DEPDC1B: variants seen among roughly 807,000 people sequenced by gnomAD.
DEPDC1B encodes the protein DEP domain containing 1B, also known as DEP domain-containing protein 1B.
In DEPDC1B, 51 loss-of-function variants were observed where a neutral mutation model predicts 66.5. The observed-to-expected ratio is 0.77, with a 90% CI of 0.61 to 0.97. The LOEUF is 0.97. Ranked by LOEUF, DEPDC1B falls within the 50% of genes least tolerant of loss-of-function variation. The pLI, the probability that DEPDC1B is intolerant of heterozygous loss-of-function variation, is 0.00. For missense variants in DEPDC1B, 552 were observed against 637.1 expected (o/e 0.87, Z 1.44); for synonymous variants, 226 against 223.6 (o/e 1.01, Z -0.10).
At chr5:60,610,438 A>G (rs1752392474) in intron 7 of DEPDC1B, among the ~76,000 whole-genome samples, 1 of 152,228 alleles carries the variant, frequency 6.6e-6, no homozygotes, top group Non-Finnish European at 1.5e-5. Flanking sequence ...ATCACATACA[A>G]CTTTGGCTAG....
chr5:60,650,493 C>T (rs1426400165), intron 2 of DEPDC1B, among the ~76,000 whole-genome samples: 1 of 152,194 alleles, frequency 6.6e-6, no homozygotes. Context: ...CTACACACAA[C>T]ACACACACCT....
At chr5:60,626,808 G>A (rs1260555450) in intron 7 of DEPDC1B, among the ~76,000 whole-genome samples, 1 of 151,940 alleles carries the variant, frequency 6.6e-6, no homozygotes, top group Non-Finnish European at 1.5e-5. Context: ...TGAGGTTCTT[G>A]TATAACATCC....
intron 2 of DEPDC1B, among the ~76,000 whole-genome samples, chr5:60,654,612 CTTTA>C (rs1240205617): frequency 6.7e-6 from 1 of 148,608 alleles, no homozygotes; most frequent in Non-Finnish European, 1.5e-5. Flanking sequence ...ATTTGGATGC[CTTTA>C]TTTCTTTCTC....
chr5:60,601,203 G>A (rs1752193835), intron 9 of DEPDC1B, among the ~76,000 whole-genome samples: 2 of 152,184 alleles, frequency 1.3e-5, no homozygotes, highest in African/African-American at 4.8e-5. Context: ...CAGCATGAGA[G>A]CAGACTAATA....
intron 7 of DEPDC1B, among the ~76,000 whole-genome samples, chr5:60,608,265 C>T (rs1205677080): frequency 6.6e-6 from 1 of 151,952 alleles, no homozygotes; most frequent in African/African-American, 2.4e-5. Context: ...ATTAAAAATC[C>T]CTTTGCAAAG....
intron 7 of DEPDC1B, among the ~76,000 whole-genome samples, chr5:60,622,201 C>A (rs565833620): frequency 6.7e-4 from 102 of 152,222 alleles, no homozygotes; most frequent in Non-Finnish European, 1.3e-3. Context: ...TTCCGCCCCC[C>A]CAAAGAATCT....
intron 7 of DEPDC1B, among the ~76,000 whole-genome samples, chr5:60,612,547 A>AAC (rs1306540264): frequency 6.6e-6 from 1 of 150,722 alleles, no homozygotes. Flanking sequence ...AAAAAAAAAA[A>AAC]AGAATAGTAA....
At chr5:60,656,247 G>T (rs535589526) in intron 2 of DEPDC1B, among the ~76,000 whole-genome samples, 1 of 147,848 alleles carries the variant, frequency 6.8e-6, no homozygotes, top group African/African-American at 2.5e-5. Context: ...TACAAGCTCC[G>T]CCTCCTGGGT....
intron 2 of DEPDC1B, 162 bp from the exon 3 acceptor site, chr5:60,647,695 T>G: frequency 5.2e-6 from 3 of 575,368 alleles, no homozygotes; most frequent in South Asian, 4.1e-5. Flanking sequence ...CTCTATACCA[T>G]ACCTGATAAA....
At chr5:60,618,901 C>A (rs1752633568) in intron 7 of DEPDC1B, among the ~76,000 whole-genome samples, 1 of 152,192 alleles carries the variant, frequency 6.6e-6, no homozygotes, top group South Asian at 2.1e-4. Flanking sequence ...AAAGTACTGG[C>A]AAACCGAATC....
At chr5:60,617,946 C>A (rs1415423441) in intron 7 of DEPDC1B, among the ~76,000 whole-genome samples, 1 of 152,174 alleles carries the variant, frequency 6.6e-6, no homozygotes, top group East Asian at 1.9e-4. Context: ...GTCTCTTAGA[C>A]CACAGTGCAA....
chr5:60,658,989 G>A lies in DEPDC1B; in HGVS notation c.315-11456C>T, dbSNP rs118093531. 4.5e-4 allele frequency among the ~76,000 whole-genome samples: 69 copies of A among 152,256 alleles called. No homozygotes were observed. The East Asian group carries it at 0.013, about 28-fold the overall frequency. ...GAGACACCCATTGCCGCTCCCAATC[G>A]GGCTAGAGGCTCACCATTTTCCTGC... On this transcript the variant is annotated intron_variant, in intron 2 of 10. Coordinates refer to ENST00000265036, the MANE Select transcript of DEPDC1B (RefSeq NM_018369.3).
intron 1 of DEPDC1B, among the ~76,000 whole-genome samples, chr5:60,699,765 C>G (rs1011483481): frequency 6.6e-5 from 10 of 152,172 alleles, no homozygotes; most frequent in African/African-American, 2.4e-4. Context: ...ACAGCCTGGT[C>G]TTGGGGTCTT....
intron 2 of DEPDC1B, among the ~76,000 whole-genome samples, chr5:60,659,300 G>A (rs1753652561): frequency 6.6e-6 from 1 of 152,120 alleles, no homozygotes; most frequent in African/African-American, 2.4e-5. Context: ...TGGCCCATAT[G>A]GGGATTCTCC....
intron 1 of DEPDC1B, among the ~76,000 whole-genome samples, chr5:60,691,317 G>C (rs1347294176): frequency 6.6e-6 from 1 of 151,644 alleles, no homozygotes; most frequent in African/African-American, 2.4e-5. Flanking sequence ...GCCTCCCAAA[G>C]TGCTGGGATT....
intron 2 of DEPDC1B, among the ~76,000 whole-genome samples, chr5:60,680,499 T>C (rs1244731080): frequency 1.3e-5 from 2 of 152,194 alleles, no homozygotes; most frequent in African/African-American, 4.8e-5. Flanking sequence ...TTTTGACATA[T>C]TCCAAAATAA....
intron 2 of DEPDC1B, among the ~76,000 whole-genome samples, chr5:60,675,926 T>TTTTCTTG (rs1186713531): frequency 2.6e-5 from 4 of 151,036 alleles, no homozygotes; most frequent in African/African-American, 9.7e-5. Flanking sequence ...TTGTTTTTTG[T>TTTTCTTG]TTTTTTGTTT....
At chr5:60,619,405 A>C (rs1426565127) in intron 7 of DEPDC1B, among the ~76,000 whole-genome samples, 3 of 152,340 alleles carry the variant, frequency 2.0e-5, no homozygotes, top group Middle Eastern at 3.4e-3. Context: ...GTCTCAGCCC[A>C]AAATCTCCTT....
chr5:60,623,843 T>C (rs369583129), intron 7 of DEPDC1B, among the ~76,000 whole-genome samples: 4 of 152,322 alleles, frequency 2.6e-5, no homozygotes, highest in East Asian at 3.9e-4. Flanking sequence ...AGTTTTCCAA[T>C]TGATTTTTAT....
Sources: gnomAD v4.1 joint callset for allele counts (sites outside exome capture counted in the v4.1 genomes callset) on GRCh38, gnomAD v4.1.1 for gene constraint, MANE v1.5 for transcripts, NCBI Gene and HGNC (gene_info 2026-07-23, HGNC 2026-07-21) for gene names.